The following CSE1L variants were observed in gnomAD, a reference collection of about 807,000 sequenced individuals.
The protein encoded by CSE1L is exportin-2.
In CSE1L, 24 loss-of-function variants were observed where a neutral mutation model predicts 120.4. That is an observed-to-expected ratio of 0.20 (90% CI 0.14 to 0.28). The LOEUF is 0.28. CSE1L is among the 10% of genes least tolerant of loss of function. The pLI, the probability that CSE1L is intolerant of heterozygous loss-of-function variation, is 1.00. For missense variants in CSE1L, 830 were observed against 1,145.2 expected (o/e 0.72, Z 3.97); for synonymous variants, 402 against 398.3 (o/e 1.01, Z -0.11).
At chr20:49,056,348 C>A (rs1424057640) in intron 1 of CSE1L, among the ~76,000 whole-genome samples, 3 of 152,130 alleles carry the variant, frequency 2.0e-5, no homozygotes, top group African/African-American at 7.2e-5. Context: ...AGGTGATCCA[C>A]CCCCCTCAGC....
At chr20:49,067,667 T>C (rs2091903344) in intron 6 of CSE1L, among the ~76,000 whole-genome samples, 1 of 152,044 alleles carries the variant, frequency 6.6e-6, no homozygotes, top group African/African-American at 2.4e-5. Flanking sequence ...ACAGGATACT[T>C]TCCTGAATGT....
At chr20:49,055,762 A>C (rs1302381396) in intron 1 of CSE1L, among the ~76,000 whole-genome samples, 2 of 152,102 alleles carry the variant, frequency 1.3e-5, no homozygotes, top group African/African-American at 2.4e-5. Flanking sequence ...TAAATGTATA[A>C]TAGATATGTG....
chr20:49,072,302 G>T lies in CSE1L; in HGVS notation c.785G>T (p.Gly262Val). 1.9e-6 allele frequency: 3 copies of T among 1,613,982 alleles called. No individual in the cohort carries two copies. Among genetic ancestry groups the T allele is most frequent in the Non-Finnish European group, 2.5e-6 (3 of 1,179,900 alleles). Residue 262 changes from glycine to valine, a missense_variant, in exon 9 of 25, where the codon GGC becomes GTC. Physicochemically the swap from Gly to Val is moderately radical, Grantham distance 109. Around this residue, in one of 4 missense-constraint regions of CSE1L, gnomAD observed 543 missense variants for 640.2 expected, o/e 0.85. Transcript: ENST00000262982. ...TTATGTGAGGATGAAGAGGAAGCCG[G>T]CTTATTGGAGCTCTTAAAATCCCAG... is the stretch of plus-strand genomic sequence containing the variant. ...LLQTDDEEEA[G>V]LLELLKSQIC...
chr20:49,068,657 A>G (rs1009628069), intron 6 of CSE1L, 58 bp from the exon 7 acceptor site: 2 of 1,118,310 alleles, frequency 1.8e-6, no homozygotes, highest in African/African-American at 1.5e-5. Flanking sequence ...TGTTTCACTA[A>G]GATCAGCATG....
intron 2 of CSE1L, among the ~76,000 whole-genome samples, chr20:49,059,302 T>C (rs1303461989): frequency 2.6e-5 from 4 of 152,158 alleles, no homozygotes; most frequent in Non-Finnish European, 4.4e-5. Context: ...AGAGCTTTTT[T>C]TTTCCTTCCT....
intron 7 of CSE1L, 152 bp downstream of exon 7, chr20:49,068,974 A>C: frequency 3.3e-6 from 2 of 607,060 alleles, no homozygotes; most frequent in Non-Finnish European, 5.8e-6. Context: ...TCTGTTCTAC[A>C]GTAGTTCTTT....
At chr20:49,084,282 T>A in intron 15 of CSE1L, 120 bp downstream of exon 15, 1 of 1,028,454 alleles carries the variant, frequency 9.7e-7, no homozygotes, top group Non-Finnish European at 1.4e-6. Context: ...TTTCTATTCC[T>A]TTATACTCTG....
chr20:49,096,506 G>A lies in CSE1L; in HGVS notation c.*68G>A, dbSNP rs1322058218. On this transcript the variant is annotated 3_prime_UTR_variant, in exon 25 of 25. Transcript: ENST00000262982. ...AAATCACAGGCTTCTGAGCACAGCT[G>A]CATTAAAACAAAGGAAGTTCTCCTT... is the stretch of plus-strand genomic sequence containing the variant. The A allele has an allele frequency of 2.6e-6, 3 of 1,161,646 alleles. No individual in the cohort carries two copies. In the African/African-American group the frequency reaches 4.6e-5, roughly 18 times the overall value. 72.0% of individuals were successfully genotyped at this position (1,161,646 alleles called of 1,614,324 possible).
intron 10 of CSE1L, among the ~76,000 whole-genome samples, chr20:49,073,097 A>G (rs1449696540): frequency 3.3e-5 from 5 of 152,026 alleles, no homozygotes. Flanking sequence ...CTGCAACCTT[A>G]GCCTCCCAGG....
At chr20:49,088,192 G>T in intron 17 of CSE1L, 86 bp downstream of exon 17, 1 of 877,838 alleles carries the variant, frequency 1.1e-6, no homozygotes, top group African/African-American at 1.7e-5. Flanking sequence ...ATTACGTGAA[G>T]CTTTAGAGAA....
In CSE1L at chr20:49,070,064, C is replaced by G. The variant is rs1600606038; in HGVS notation, c.676-141C>G. On this transcript the variant is annotated intron_variant, in intron 7 of 24. Coordinates refer to ENST00000262982, the MANE Select transcript of CSE1L (RefSeq NM_001316.4). ...ATGCAGCTGCCAGATGTAGCTGGAGCAGAGAATTCTTGTCAGAATAGGTAA... is the reference window on the plus strand; with the variant it reads ...ATGCAGCTGCCAGATGTAGCTGGAGGAGAGAATTCTTGTCAGAATAGGTAA... 2.0e-5 allele frequency: 10 copies of G among 502,128 alleles called. No individual in the cohort carries two copies. In the East Asian group the frequency reaches 3.5e-4, roughly 18 times the overall value. The allele number at this position is 502,128 out of a possible 1,614,324, so 31.1% of individuals were successfully genotyped here.
chr20:49,071,530 C>CT (rs2091931538), intron 8 of CSE1L, among the ~76,000 whole-genome samples: 1 of 152,166 alleles, frequency 6.6e-6, no homozygotes, highest in Admixed American at 6.5e-5. Context: ...GTCACCAAGG[C>CT]TGGAGTGCAG....
intron 2 of CSE1L, among the ~76,000 whole-genome samples, 196 bp downstream of exon 2, chr20:49,058,744 T>C (rs1390473846): frequency 6.6e-6 from 1 of 152,222 alleles, no homozygotes; most frequent in Non-Finnish European, 1.5e-5. Flanking sequence ...ATTTGGCATC[T>C]TCTGGGATTA....
intron 21 of CSE1L, 90 bp from the exon 22 acceptor site, chr20:49,091,956 G>A (rs1568788707): frequency 1.4e-6 from 1 of 709,020 alleles, no homozygotes; most frequent in Non-Finnish European, 2.5e-6. Context: ...GGATGTTAAT[G>A]ATTAAGCATA....
intron 16 of CSE1L, among the ~76,000 whole-genome samples, chr20:49,087,156 A>G (rs2092065699): frequency 6.6e-6 from 1 of 151,888 alleles, no homozygotes; most frequent in Non-Finnish European, 1.5e-5. Context: ...TAACCCATTT[A>G]TGGTCTTTTG....
intron 1 of CSE1L, among the ~76,000 whole-genome samples, chr20:49,052,782 G>T (rs937249241): frequency 5.3e-5 from 8 of 152,154 alleles, no homozygotes; most frequent in Non-Finnish European, 1.0e-4. Context: ...TAGAGACAGG[G>T]TCTTGCTGTG....
intron 12 of CSE1L, among the ~76,000 whole-genome samples, chr20:49,075,983 T>A (rs1378728636): frequency 6.6e-6 from 1 of 151,732 alleles, no homozygotes; most frequent in Non-Finnish European, 1.5e-5. Context: ...AAGTGTGCAC[T>A]ACCACACCTG....
intron 14 of CSE1L, among the ~76,000 whole-genome samples, chr20:49,080,367 C>T (rs918514787): frequency 2.0e-5 from 3 of 151,676 alleles, no homozygotes; most frequent in Non-Finnish European, 4.4e-5. Flanking sequence ...GCGTCAGGCA[C>T]CATGCCTGGC....
intron 1 of CSE1L, among the ~76,000 whole-genome samples, chr20:49,056,754 A>G (rs2091810680): frequency 6.6e-6 from 1 of 151,692 alleles, no homozygotes; most frequent in Non-Finnish European, 1.5e-5. Flanking sequence ...TTTTTAATGG[A>G]CAAAATTGTA....
Sources: allele counts gnomAD v4.1 joint callset (sites outside exome capture counted in the v4.1 genomes callset), GRCh38; gene constraint gnomAD v4.1.1; regional missense constraint gnomAD v4.1.1; transcripts MANE v1.5; gene names NCBI Gene and HGNC (gene_info 2026-07-23, HGNC 2026-07-21).